ATP5PB: variants seen among roughly 807,000 people sequenced by gnomAD.
ATP5PB encodes the protein ATP synthase peripheral stalk subunit b, mitochondrial.
In ATP5PB, 21 loss-of-function variants were observed where a neutral mutation model predicts 34.5. The ratio of observed to expected loss-of-function variants is 0.61; its 90% CI spans 0.43 to 0.88. The LOEUF (loss-of-function observed/expected upper bound fraction) is 0.88. Among genes scored for constraint, ATP5PB ranks in the 40% least tolerant of loss-of-function variants. The pLI is 0.00. For missense variants in ATP5PB, 293 were observed against 317.4 expected (o/e 0.92, Z 0.58); for synonymous variants, 108 against 114.1 (o/e 0.95, Z 0.34).
chr1:111,458,245 C>T (rs1026095823), intron 5 of ATP5PB, among the ~76,000 whole-genome samples: 1 of 152,170 alleles, frequency 6.6e-6, no homozygotes, highest in African/African-American at 2.4e-5. Context: ...TTGGCTCATG[C>T]CTATAATCTC....
chr1:111,450,289 A>G (rs926484016), intron 2 of ATP5PB, among the ~76,000 whole-genome samples: 23 of 152,332 alleles, frequency 1.5e-4, no homozygotes, highest in South Asian at 1.2e-3. Flanking sequence ...TTGCTGCCAT[A>G]TGATAACAAT....
rs898196603 is a variant in ATP5PB at position 111,462,099 on chromosome 1, T to C, written c.*1105T>C. On this transcript the variant is annotated 3_prime_UTR_variant, in exon 7 of 7. Coordinates refer to ENST00000369722, the MANE Select transcript of ATP5PB (RefSeq NM_001688.5). ...TGATCCAGCAATCCCAGTCGACATA[T>C]ATACTCAAAAAAATTAAAAGCAGGG... is the stretch of plus-strand genomic sequence containing the variant. The C allele has an allele frequency of 6.6e-6, 1 of 152,164 alleles. No homozygotes were observed. The highest frequency in any genetic ancestry group is 2.4e-5 in the African/African-American group (1 of 41,428). The allele number at this position is 152,164 out of a possible 1,614,324, so 9.4% of individuals were successfully genotyped here.
In ATP5PB at chr1:111,454,781, G is replaced by A. The variant is rs1277261302; in HGVS notation, c.223+425G>A. ...TTTTTAAAAGGAAATTGTAACAATTGATTTGATTGCTCCAACTTGTCTTTG... is the reference window on the plus strand; with the variant it reads ...TTTTTAAAAGGAAATTGTAACAATTAATTTGATTGCTCCAACTTGTCTTTG... On this transcript the variant is annotated intron_variant, in intron 3 of 6. Transcript: ENST00000369722. Among the ~76,000 whole-genome samples, 3 of 152,286 alleles carry A rather than the reference G, an allele frequency of 2.0e-5. No homozygotes were observed. The South Asian group carries it at 6.2e-4, about 32-fold the overall frequency.
At chr1:111,453,657 G>T (rs1653391088) in intron 2 of ATP5PB, among the ~76,000 whole-genome samples, 1 of 152,138 alleles carries the variant, frequency 6.6e-6, no homozygotes, top group African/African-American at 2.4e-5. Flanking sequence ...ATTCAAAAAG[G>T]TCCAGGAGCT....
intron 5 of ATP5PB, among the ~76,000 whole-genome samples, chr1:111,457,190 G>C (rs1426067309): frequency 6.6e-6 from 1 of 152,112 alleles, no homozygotes; most frequent in Non-Finnish European, 1.5e-5. Context: ...GCTCACACCT[G>C]TAATCCTAGG....
At chr1:111,451,131 C>T (rs1267962434) in intron 2 of ATP5PB, among the ~76,000 whole-genome samples, 1 of 152,178 alleles carries the variant, frequency 6.6e-6, no homozygotes, top group African/African-American at 2.4e-5. Flanking sequence ...CCCACCAAGG[C>T]CTTCCAGAGC....
At chr1:111,460,367 T>C (rs933543437) in intron 6 of ATP5PB, among the ~76,000 whole-genome samples, 1 of 152,020 alleles carries the variant, frequency 6.6e-6, no homozygotes, top group East Asian at 1.9e-4. Context: ...CTCGAGTTTA[T>C]AACATTTAAG....
At chr1:111,450,333 A>G (rs1263321030) in intron 2 of ATP5PB, among the ~76,000 whole-genome samples, 2 of 152,238 alleles carry the variant, frequency 1.3e-5, no homozygotes, top group Admixed American at 1.3e-4. Context: ...GTAAATATTT[A>G]TGTTGCCTAA....
intron 2 of ATP5PB, among the ~76,000 whole-genome samples, chr1:111,450,266 A>T (rs1460819678): frequency 6.6e-6 from 1 of 152,226 alleles, no homozygotes; most frequent in Non-Finnish European, 1.5e-5. Flanking sequence ...TCGGTTTCCC[A>T]GATACCTAGT....
Position 111,462,093 on chromosome 1 carries a change from G to T in ATP5PB, c.*1099G>T, listed in dbSNP as rs1446697978. On this transcript the variant is annotated 3_prime_UTR_variant, in exon 7 of 7. Coordinates refer to ENST00000369722, the MANE Select transcript of ATP5PB (RefSeq NM_001688.5). ...ATACCATGATCCAGCAATCCCAGTC[G>T]ACATATATACTCAAAAAAATTAAAA... 6.6e-6 allele frequency: 1 copy of T among 152,066 alleles called. No homozygotes were observed. Among genetic ancestry groups the T allele is most frequent in the Non-Finnish European group, 1.5e-5 (1 of 68,026 alleles). The allele number at this position is 152,066 out of a possible 1,614,324, so 9.4% of individuals were successfully genotyped here. A position where few individuals can be genotyped will look rare whatever the true frequency, so the allele number is the denominator to read the frequency against.
In ATP5PB at chr1:111,449,547, G is replaced by T; in HGVS notation, c.6G>T (p.Leu2=). 6.2e-7 allele frequency: 1 copy of T among 1,612,892 alleles called. No individual in the cohort carries two copies. The highest frequency in any genetic ancestry group is 8.5e-7 in the Non-Finnish European group (1 of 1,179,286). M[L]SRVVLSAAAT... is the part of the protein sequence containing the mutation. ...TACCTGGACTTTCGTTGACCATGCT[G>T]TCCCGGGTGGTACTTTCCGCCGCCG... The change falls in exon 1 of 7, where the codon CTG becomes CTT. Residue 2 remains leucine, a synonymous_variant. Transcript: ENST00000369722.
chr1:111,460,431 T>G (rs1032802230), intron 6 of ATP5PB, among the ~76,000 whole-genome samples: 3 of 148,898 alleles, frequency 2.0e-5, no homozygotes, highest in African/African-American at 7.6e-5. Context: ...ACAGTGTCTA[T>G]CAAAGTTTTT....
chr1:111,449,522 T>C lies in ATP5PB; in HGVS notation c.-20T>C, dbSNP rs1445130844. 2 of 1,614,104 alleles carry C rather than the reference T, an allele frequency of 1.2e-6. No individual in the cohort carries two copies. Among genetic ancestry groups the C allele is most frequent in the East Asian group, 2.2e-5 (1 of 44,872 alleles). ...GGGGTCACAGGGACGCTAAGATTGCTACCTGGACTTTCGTTGACCATGCTG... is the reference window on the plus strand; with the variant it reads ...GGGGTCACAGGGACGCTAAGATTGCCACCTGGACTTTCGTTGACCATGCTG... On this transcript the variant is annotated 5_prime_UTR_variant, in exon 1 of 7. Coordinates refer to ENST00000369722, the MANE Select transcript of ATP5PB (RefSeq NM_001688.5).
chr1:111,451,879 G>A (rs978758532), intron 2 of ATP5PB, among the ~76,000 whole-genome samples: 7 of 152,156 alleles, frequency 4.6e-5, no homozygotes, highest in African/African-American at 1.7e-4. Context: ...CGAGGCCAAG[G>A]CAGGAGGATC....
chr1:111,459,520 G>A lies in ATP5PB; in HGVS notation c.577G>A (p.Val193Ile), dbSNP rs1212600919. 4 of 1,613,854 alleles carry A rather than the reference G, an allele frequency of 2.5e-6. No homozygotes were observed. In the Admixed American group the frequency reaches 6.7e-5, roughly 27 times the overall value. The change falls in exon 6 of 7, where the codon GTA (valine) becomes ATA (isoleucine). Residue 193 changes from valine (V) to isoleucine (I), a missense_variant. By Grantham distance (29) the Val-to-Ile change is conservative (BLOSUM62 3). Coordinates refer to ENST00000369722, the MANE Select transcript of ATP5PB (RefSeq NM_001688.5). ...RERLYRVYKEVKNRLDYHISV... is the reference protein window; with the variant it reads ...RERLYRVYKEIKNRLDYHISV... ...ACGACTGTATAGAGTATATAAGGAA[G>A]TAAAGAATCGCCTGGACTATCATAT...
chr1:111,452,916 C>G (rs144461312), intron 2 of ATP5PB, among the ~76,000 whole-genome samples: 320 of 152,284 alleles, frequency 2.1e-3, no homozygotes, highest in African/African-American at 7.4e-3. Context: ...GTCGGTAGTG[C>G]TGAATTGAGA....
At chr1:111,460,495 AACTT>A in intron 6 of ATP5PB, among the ~76,000 whole-genome samples, 1 of 151,946 alleles carries the variant, frequency 6.6e-6, no homozygotes, top group South Asian at 2.1e-4. Flanking sequence ...TTACTTAAGA[AACTT>A]AGAAAATACA....
chr1:111,454,915 A>G (rs995262645), intron 3 of ATP5PB, among the ~76,000 whole-genome samples: 1 of 152,244 alleles, frequency 6.6e-6, no homozygotes, highest in Non-Finnish European at 1.5e-5. Context: ...GCAGTCATAC[A>G]GTGTTGAACA....
At chr1:111,456,575 CT>C in intron 4 of ATP5PB, 54 bp from the exon 5 acceptor site, 9 of 1,564,050 alleles carry the variant, frequency 5.8e-6, no homozygotes, top group Non-Finnish European at 7.8e-6. Flanking sequence ...AATGAATCTC[CT>C]TTTTTTACCC....
Sources: allele counts gnomAD v4.1 joint callset (sites outside exome capture counted in the v4.1 genomes callset), GRCh38; gene constraint gnomAD v4.1.1; transcripts MANE v1.5; gene names NCBI Gene and HGNC (gene_info 2026-07-23, HGNC 2026-07-21).